The following FAM83F variants were observed in gnomAD, a reference collection of about 807,000 sequenced individuals.
FAM83F encodes the protein protein FAM83F.
Under a neutral mutation model 42.9 loss-of-function variants are expected in FAM83F, and 45 were observed. The observed-to-expected ratio is 1.05, with a 90% CI of 0.83 to 1.35. FAM83F has a LOEUF of 1.35. Ranked by LOEUF, FAM83F falls within the 40% of genes most tolerant of loss-of-function variation. The probability of loss-of-function intolerance (pLI) is 0.00; values close to 1 mark genes in which losing one functional copy is unlikely to be tolerated. For missense variants in FAM83F, 617 were observed against 695.9 expected (o/e 0.89, Z 1.28); for synonymous variants, 306 against 298.3 (o/e 1.03, Z -0.27).
intron 1 of FAM83F, among the ~76,000 whole-genome samples, chr22:40,004,037 A>G (rs2067415312): frequency 6.6e-6 from 1 of 152,174 alleles, no homozygotes; most frequent in Admixed American, 6.5e-5. Context: ...GAGGGCTCCC[A>G]GATGGCCTGG....
chr22:39,999,502 T>C (rs1284614367), intron 1 of FAM83F, among the ~76,000 whole-genome samples: 1 of 152,218 alleles, frequency 6.6e-6, no homozygotes, highest in Non-Finnish European at 1.5e-5. Flanking sequence ...CATCTTGGTT[T>C]ATCACAAACT....
chr22:40,020,494 C>G (rs892091507), intron 3 of FAM83F, among the ~76,000 whole-genome samples: 1 of 151,410 alleles, frequency 6.6e-6, no homozygotes, highest in Non-Finnish European at 1.5e-5. Context: ...TCCCTAGTAG[C>G]CGGGATTACA....
chr22:40,001,678 A>C (rs1400482287), intron 1 of FAM83F, among the ~76,000 whole-genome samples: 2 of 152,054 alleles, frequency 1.3e-5, no homozygotes, highest in African/African-American at 2.4e-5. Flanking sequence ...AAACAAAAAA[A>C]CCCAAAAAGA....
rs1193473272 is a variant in FAM83F, at chr22:40,035,571, G to A, written c.*6006G>A. 2.0e-5 allele frequency: 3 copies of A among 152,254 alleles called. No homozygotes were observed. Among genetic ancestry groups the A allele is most frequent in the Non-Finnish European group, 2.9e-5 (2 of 68,092 alleles). The allele number at this position is 152,254 out of a possible 1,614,324, so 9.4% of individuals were successfully genotyped here. A position where few individuals can be genotyped will look rare whatever the true frequency, so the allele number is the denominator to read the frequency against. ...CCCGGCCTGGGGATCCATGGTGAGC[G>A]AGGAAGGCATGGTATTGAAGTGGTA... On this transcript the variant is annotated 3_prime_UTR_variant, in exon 5 of 5. Coordinates refer to ENST00000333407, the MANE Select transcript of FAM83F (RefSeq NM_138435.4).
At chr22:40,009,929 C>T (rs2067454055) in intron 1 of FAM83F, 1 of 152,198 alleles carries the variant, frequency 6.6e-6, no homozygotes, top group Non-Finnish European at 1.5e-5. Flanking sequence ...TTTGGAGGCT[C>T]CCTCCCTGCC....
Position 40,014,131 on chromosome 22 carries a change from C to CTTTTTTTTTT in FAM83F, c.490-5029_490-5020dup, listed in dbSNP as rs57224519. Among the ~76,000 whole-genome samples the CTTTTTTTTTT allele has an allele frequency of 4.9e-3, 576 of 116,744 alleles. 3 individuals carry two copies. Among genetic ancestry groups the CTTTTTTTTTT allele is most frequent in the Middle Eastern group, 5.7e-3 (1 of 174 alleles). The allele number at this position is 116,744 out of a possible 152,430, so 76.6% of individuals were successfully genotyped here. ...AATCCTTATGTCTCTTATTTCTTTT[C>CTTTTTTTTTT]TTTTTTTTTTTTTTTTTGTCTTATT... is the stretch of plus-strand genomic sequence containing the variant. On this transcript the variant is annotated intron_variant, in intron 1 of 4. Transcript: ENST00000333407.
chr22:40,018,420 C>A (rs2067502422), intron 1 of FAM83F, among the ~76,000 whole-genome samples: 1 of 152,136 alleles, frequency 6.6e-6, no homozygotes, highest in African/African-American at 2.4e-5. Flanking sequence ...CTAGATCTCC[C>A]ATGATATGGC....
rs777276836 is a variant in FAM83F at position 40,021,808 on chromosome 22, C to G, written c.1298C>G (p.Ala433Gly). 1 of 1,612,514 alleles carries G rather than the reference C, an allele frequency of 6.2e-7. No individual in the cohort carries two copies. The highest frequency in any genetic ancestry group is 8.5e-7 in the Non-Finnish European group (1 of 1,179,594). Residue 433 changes from alanine to glycine, a missense_variant, in exon 4 of 5, where the codon GCC becomes GGC. Physicochemically the swap from Ala to Gly is moderately conservative, Grantham distance 60 (BLOSUM62 0). Coordinates refer to ENST00000333407, the MANE Select transcript of FAM83F (RefSeq NM_138435.4). The surrounding 1 kb of genome is among the most constrained non-coding windows in gnomAD (Gnocchi z 8.7). Reference sequence around the variant, plus strand: ...GGAGAAGCGGCCCGGGGGGAGGCCGCCCCCGCCAGGCGCTTCAGCAGCAGG... The same window carrying G: ...GGAGAAGCGGCCCGGGGGGAGGCCGGCCCCGCCAGGCGCTTCAGCAGCAGG... The part of the protein sequence containing the change: ...GMGEAARGEA[A>G]PARRFSSRLF...
Position 40,036,491 on chromosome 22 carries a change from T to C in FAM83F, c.*6926T>C, listed in dbSNP as rs1453134369. 2 of 152,234 alleles carry C rather than the reference T, an allele frequency of 1.3e-5. No homozygotes were observed. The highest frequency in any genetic ancestry group is 4.8e-5 in the African/African-American group (2 of 41,460). The allele number at this position is 152,234 out of a possible 1,614,324, so 9.4% of individuals were successfully genotyped here. A position where few individuals can be genotyped will look rare whatever the true frequency, so the allele number is the denominator to read the frequency against. ...AAGTCCCACAACCTTTCTGGATTGA[T>C]AGTTTGTGGTGAAATAAACAATTTT... On this transcript the variant is annotated 3_prime_UTR_variant, in exon 5 of 5. Coordinates refer to ENST00000333407, the MANE Select transcript of FAM83F (RefSeq NM_138435.4).
chr22:40,013,679 C>T (rs1168292640), intron 1 of FAM83F, among the ~76,000 whole-genome samples: 5 of 152,096 alleles, frequency 3.3e-5, no homozygotes, highest in African/African-American at 9.7e-5. Context: ...TTCTCAAAAA[C>T]ATTTACTGAG....
chr22:40,019,260 C>A lies in FAM83F; in HGVS notation c.582C>A (p.Ile194=). 1 of 1,614,198 alleles carries A rather than the reference C, an allele frequency of 6.2e-7. No individual in the cohort carries two copies. The part of the protein sequence containing the change: ...AACKRRVPVY[I]ILDEAGVKYF... ...GTAAGCGCCGGGTCCCAGTGTACAT[C>A]ATCCTGGACGAGGCAGGAGTGAAGT... Residue 194 remains isoleucine (I), a synonymous_variant, in exon 2 of 5, where the codon ATC becomes ATA. Transcript: ENST00000333407.
At chr22:40,019,465 T>A in intron 2 of FAM83F, 130 bp downstream of exon 2, 1 of 797,700 alleles carries the variant, frequency 1.3e-6, no homozygotes, top group Non-Finnish European at 2.0e-6. Context: ...TCAACACCTT[T>A]CCTTTTGTTG....
Position 39,995,308 on chromosome 22 carries a change from C to T in FAM83F, c.266C>T (p.Ala89Val). 6.5e-7 allele frequency: 1 copy of T among 1,537,558 alleles called. No homozygotes were observed. The highest frequency in any genetic ancestry group is 2.4e-5 in the East Asian group (1 of 40,840). Residue 89 changes from alanine to valine, a missense_variant, in exon 1 of 5, where the codon GCC (alanine) becomes GTC (valine). Ala to Val is a moderately conservative substitution (Grantham distance 64, BLOSUM62 0). Coordinates refer to ENST00000333407, the MANE Select transcript of FAM83F (RefSeq NM_138435.4). This position sits in a 1 kb window ranked among gnomAD's most constrained non-coding sequence, Gnocchi z 4.6. The stretch of plus-strand genomic sequence containing the variant: ...GCCAACGCCCGGGGCAAGAGCAAGG[C>T]CAAGGCCAAGGCCCCCGCGCCGGCG... ...PAANARGKSK[A>V]KAKAPAPAPA...
chr22:40,024,586 C>T (rs146218541), intron 4 of FAM83F, among the ~76,000 whole-genome samples: 1 of 152,320 alleles, frequency 6.6e-6, no homozygotes, highest in African/African-American at 2.4e-5. Flanking sequence ...CACATTGCTC[C>T]CTGTACCCAG....
chr22:40,004,508 G>T (rs1005918379), intron 1 of FAM83F, among the ~76,000 whole-genome samples: 2 of 152,040 alleles, frequency 1.3e-5, no homozygotes, highest in South Asian at 4.1e-4. Context: ...TCACCATGTT[G>T]CCCAGGCTGG....
rs141861984 is a variant in FAM83F at position 40,021,772 on chromosome 22, G to A, written c.1262G>A (p.Arg421Gln). ...CCCAAATCCCGAGAGGCACCCAGCC[G>A]AAACGGCATGGGAGAAGCGGCCCGG... ...LKPKSREAPSRNGMGEAARGE... is the reference protein window; with the variant it reads ...LKPKSREAPSQNGMGEAARGE... Residue 421 changes from arginine to glutamine, a missense_variant, in exon 4 of 5, where the codon CGA becomes CAA. By Grantham distance (43) the Arg-to-Gln change is conservative. Transcript: ENST00000333407. This position sits in a 1 kb window ranked among gnomAD's most constrained non-coding sequence, Gnocchi z 8.7. 1.3e-4 allele frequency: 214 copies of A among 1,612,838 alleles called. No individual in the cohort carries two copies. In the African/African-American group the frequency reaches 1.8e-3, roughly 14 times the overall value.
rs2067595885 is a variant in FAM83F at position 40,032,633 on chromosome 22, A to G, written c.*3068A>G. The G allele has an allele frequency of 6.7e-6, 1 of 149,938 alleles. No individual in the cohort carries two copies. The highest frequency in any genetic ancestry group is 2.5e-5 in the African/African-American group (1 of 40,514). 9.3% of individuals were successfully genotyped at this position (149,938 alleles called of 1,614,324 possible). A position where few individuals can be genotyped will look rare whatever the true frequency, so the allele number is the denominator to read the frequency against. On this transcript the variant is annotated 3_prime_UTR_variant, in exon 5 of 5. Coordinates refer to ENST00000333407, the MANE Select transcript of FAM83F (RefSeq NM_138435.4). ...CCCAGGCTGGAGTGCAGTGACAGCG[A>G]TCTTGGCTCACTGCAAGCTCCGCCT...
intron 1 of FAM83F, among the ~76,000 whole-genome samples, chr22:40,013,395 A>G (rs148985590): frequency 3.9e-5 from 6 of 152,174 alleles, no homozygotes; most frequent in African/African-American, 9.6e-5. Context: ...TTGTGATTCT[A>G]CCCTATCATA....
chr22:40,027,645 T>C (rs139193171), intron 4 of FAM83F, among the ~76,000 whole-genome samples: 1,657 of 152,334 alleles, frequency 0.011, 26 homozygotes, highest in African/African-American at 0.037. Context: ...GACACAGAGT[T>C]TGTCCTCAAG....
Sources: gnomAD v4.1 joint callset for allele counts (sites outside exome capture counted in the v4.1 genomes callset) on GRCh38, gnomAD v4.1.1 for gene constraint, Gnocchi (gnomAD v3.1) non-coding constraint, MANE v1.5 for transcripts, NCBI Gene and HGNC (gene_info 2026-07-23, HGNC 2026-07-21) for gene names.